Variants in FRMD6 observed in about 807,000 individuals in gnomAD.
FRMD6 encodes the protein FERM domain containing 6.
A neutral mutation model predicts 73.2 loss-of-function variants in FRMD6; 37 were observed. The observed-to-expected ratio is 0.51, with a 90% CI of 0.39 to 0.66. FRMD6 has a LOEUF of 0.66. Ranked by LOEUF, FRMD6 falls within the 30% of genes least tolerant of loss-of-function variation. The probability of loss-of-function intolerance (pLI) is 0.00; values close to 1 mark genes in which losing one functional copy is unlikely to be tolerated. For synonymous variants in FRMD6, 273 were observed against 282.2 expected (o/e 0.97, Z 0.33); for missense variants, 714 against 780.5 (o/e 0.91, Z 1.02).
chr14:51,607,078 A>G (rs1890290415), intron 2 of FRMD6, among the ~76,000 whole-genome samples: 1 of 151,950 alleles, frequency 6.6e-6, no homozygotes, highest in African/African-American at 2.4e-5. Context: ...GTCTTCCCCC[A>G]CTACTCCCCT....
At chr14:51,662,155 G>T (rs1330971215) in intron 1 of FRMD6, among the ~76,000 whole-genome samples, 1 of 152,104 alleles carries the variant, frequency 6.6e-6, no homozygotes, top group African/African-American at 2.4e-5. Context: ...TTCATTTCTA[G>T]TAAAGATGTG....
At chr14:51,542,769 C>T (rs1886269149) in intron 1 of FRMD6, among the ~76,000 whole-genome samples, 1 of 152,048 alleles carries the variant, frequency 6.6e-6, no homozygotes, top group African/African-American at 2.4e-5. Flanking sequence ...CGTGTCCTCA[C>T]CAACACTTAT....
chr14:51,653,515 A>C (rs992621098), intron 1 of FRMD6, among the ~76,000 whole-genome samples: 1 of 152,208 alleles, frequency 6.6e-6, no homozygotes, highest in African/African-American at 2.4e-5. Context: ...CAGTGCATGA[A>C]TTTAGGTTCA....
chr14:51,563,174 G>A (rs775975982), intron 1 of FRMD6, among the ~76,000 whole-genome samples: 12 of 152,218 alleles, frequency 7.9e-5, no homozygotes, highest in Non-Finnish European at 1.6e-4. Flanking sequence ...CCAGGAGGAA[G>A]CTTTATGGTC....
the FRMD6 span, among the ~76,000 whole-genome samples, chr14:51,402,739 C>T: frequency 8.2e-4 from 125 of 151,656 alleles, 1 homozygote; most frequent in Admixed American, 4.9e-3. Flanking sequence ...CCCGGGTTCA[C>T]GCCATTCTCC....
intron 2 of FRMD6, among the ~76,000 whole-genome samples, chr14:51,571,890 T>G (rs553320745): frequency 6.4e-4 from 98 of 152,358 alleles, no homozygotes; most frequent in African/African-American, 1.5e-3. Context: ...CATCAAACTT[T>G]GTCTCATTAA....
chr14:51,409,891 A>C, the FRMD6 span, among the ~76,000 whole-genome samples: 77 of 152,282 alleles, frequency 5.1e-4, no homozygotes, highest in African/African-American at 1.8e-3. Flanking sequence ...GCCCGGCCCA[A>C]CGCAGTATGT....
intron 1 of FRMD6, among the ~76,000 whole-genome samples, chr14:51,514,637 C>T (rs999669159): frequency 2.6e-5 from 4 of 152,206 alleles, no homozygotes; most frequent in Admixed American, 6.5e-5. Flanking sequence ...CACTTGATGT[C>T]AGGAGTTCTA....
chr14:51,477,364 T>A, the FRMD6 span, among the ~76,000 whole-genome samples: 1 of 152,190 alleles, frequency 6.6e-6, no homozygotes, highest in Non-Finnish European at 1.5e-5. Context: ...GCTGTAGGAA[T>A]TCATTTTCAT....
chr14:51,557,283 T>A (rs1425296696), intron 1 of FRMD6, among the ~76,000 whole-genome samples: 1 of 151,954 alleles, frequency 6.6e-6, no homozygotes. Context: ...CATACATACA[T>A]ACATACATAG....
chr14:51,595,639 C>T (rs1889671999), intron 2 of FRMD6, among the ~76,000 whole-genome samples: 1 of 152,066 alleles, frequency 6.6e-6, no homozygotes, highest in African/African-American at 2.4e-5. Context: ...AAGGGGAAGC[C>T]CTTCTGTTTC....
intron 2 of FRMD6, among the ~76,000 whole-genome samples, chr14:51,635,265 G>A (rs777090351): frequency 3.9e-5 from 6 of 152,196 alleles, no homozygotes; most frequent in African/African-American, 9.6e-5. Flanking sequence ...GCATATTAGC[G>A]TGTGCCTGTG....
chr14:51,685,530 C>T (rs1895090987), intron 1 of FRMD6, among the ~76,000 whole-genome samples: 1 of 152,166 alleles, frequency 6.6e-6, no homozygotes, highest in Non-Finnish European at 1.5e-5. Flanking sequence ...TGAACAAAAA[C>T]AGAACTCATT....
the FRMD6 span, chr14:51,436,553 G>T: frequency 1.5e-6 from 1 of 658,668 alleles, no homozygotes; most frequent in South Asian, 1.6e-5. Flanking sequence ...AAATCAAATG[G>T]AAATCTGGAA....
At chr14:51,692,618 C>T (rs1895680126) in intron 2 of FRMD6, 1 of 152,174 alleles carries the variant, frequency 6.6e-6, no homozygotes, top group Non-Finnish European at 1.5e-5. Context: ...ATACTAAAAT[C>T]TCAGCTGAGG....
the FRMD6 span, among the ~76,000 whole-genome samples, chr14:51,414,643 T>G: frequency 6.6e-6 from 1 of 152,210 alleles, no homozygotes; most frequent in South Asian, 2.1e-4. Flanking sequence ...GCAGGCTCTT[T>G]TTTGGTTTCA....
rs532791831 is a variant in FRMD6, at chr14:51,548,362, C to T, written c.-209-21986C>T. On this transcript the variant is annotated intron_variant, in intron 1 of 14. Transcript: ENST00000356218. ...GAAAGTTTAGTGATTTATTCTTAAT[C>T]GCCCACAAGCTGTTAGGTACCCTGT... is the stretch of plus-strand genomic sequence containing the variant. Among the ~76,000 whole-genome samples the T allele has an allele frequency of 2.3e-4, 35 of 152,296 alleles. 1 individual carries two copies. In the East Asian group the frequency reaches 6.4e-3, roughly 28 times the overall value.
intron 2 of FRMD6, among the ~76,000 whole-genome samples, chr14:51,635,522 C>T (rs770042860): frequency 2.0e-4 from 31 of 152,164 alleles, no homozygotes; most frequent in Non-Finnish European, 4.1e-4. Flanking sequence ...CTTGGTTATC[C>T]AATTTTTTAA....
chr14:51,649,209 T>G (rs1892218684), upstream of FRMD6, among the ~76,000 whole-genome samples: 1 of 152,204 alleles, frequency 6.6e-6, no homozygotes, highest in African/African-American at 2.4e-5. Context: ...TATAACTGAT[T>G]TTAAGAGTTT....
Sources: allele counts gnomAD v4.1 joint callset (sites outside exome capture counted in the v4.1 genomes callset), GRCh38; gene constraint gnomAD v4.1.1; transcripts MANE v1.5; gene names NCBI Gene and HGNC (gene_info 2026-07-23, HGNC 2026-07-21).